The following TSC1 variants were observed in gnomAD, a reference collection of about 807,000 sequenced individuals.
The protein encoded by TSC1 is TSC complex subunit 1.
In TSC1, 20 loss-of-function variants were observed where a neutral mutation model predicts 124.3. That is an observed-to-expected ratio of 0.16 (90% confidence interval 0.11 to 0.23). The LOEUF is 0.23. Among genes scored for constraint, TSC1 ranks in the 10% least tolerant of loss-of-function variants. The pLI, the probability that TSC1 is intolerant of heterozygous loss-of-function variation, is 1.00. For synonymous variants in TSC1, 493 were observed against 539.1 expected, an observed-to-expected ratio of 0.91 and a Z score of 1.19; for missense variants, 1,124 against 1,448.5, an observed-to-expected ratio of 0.78 and a Z score of 3.64.
intron 8 of TSC1, among the ~76,000 whole-genome samples, chr9:132,913,884 TTG>T (rs1846112339): frequency 2.9e-5 from 3 of 102,096 alleles, no homozygotes; most frequent in African/African-American, 6.3e-5. Context: ...GTTTTTTGTT[TTG>T]TTTTGTTTTT....
chr9:132,921,717 TC>T lies in TSC1; in HGVS notation c.663+101del. 6.7e-7 allele frequency: 1 copy of T among 1,503,382 alleles called. No homozygotes were observed. Among genetic ancestry groups the T allele is most frequent in the Non-Finnish European group, 9.2e-7 (1 of 1,084,048 alleles). The allele number at this position is 1,503,382 out of a possible 1,614,324, so 93.1% of individuals were successfully genotyped here. ...GAGTGGCGAGGAAGAAAACTGAATT[TC>T]TTTTCAAAATTTCCCTGTCTGCCGT... On this transcript the variant is annotated intron_variant, in intron 7 of 22. Transcript: ENST00000298552. This position sits in a 1 kb window ranked among gnomAD's most constrained non-coding sequence, Gnocchi z 4.3.
At chr9:132,918,150 T>C (rs367848938) in intron 8 of TSC1, among the ~76,000 whole-genome samples, 2 of 152,186 alleles carry the variant, frequency 1.3e-5, no homozygotes, top group East Asian at 3.8e-4. Flanking sequence ...TTCTTTGTTT[T>C]TAAATATAAA....
chr9:132,931,577 T>C (rs979373442), intron 2 of TSC1: 8 of 152,224 alleles, frequency 5.3e-5, no homozygotes, highest in Non-Finnish European at 7.3e-5. Context: ...AGGAAAAATA[T>C]AAACATTGGG....
At chr9:132,904,488 G>C in intron 15 of TSC1, 34 bp from the exon 16 acceptor site, 1 of 1,610,336 alleles carries the variant, frequency 6.2e-7, no homozygotes, top group East Asian at 2.2e-5. Context: ...CAAAGTTACC[G>C]ATCTTACCAA....
chr9:132,895,515 G>A lies in TSC1; in HGVS notation c.*720C>T, dbSNP rs1844985645. 2 of 233,820 alleles carry A rather than the reference G, an allele frequency of 8.6e-6. No homozygotes were observed. Among genetic ancestry groups the A allele is most frequent in the Admixed American group, 5.6e-5 (1 of 17,798 alleles). 14.5% of individuals were successfully genotyped at this position (233,820 alleles called of 1,614,324 possible). A position where few individuals can be genotyped will look rare whatever the true frequency, so the allele number is the denominator to read the frequency against. On this transcript the variant is annotated 3_prime_UTR_variant, in exon 23 of 23. Transcript: ENST00000298552. The stretch of plus-strand genomic sequence containing the variant: ...GCAAACACCAAATAAATAAGAGGTA[G>A]TGGGGGAAGAAGAGACAAGAGCTTT...
intron 16 of TSC1, among the ~76,000 whole-genome samples, chr9:132,904,038 ACT>A (rs1845522910): frequency 6.6e-6 from 1 of 151,390 alleles, no homozygotes; most frequent in Non-Finnish European, 1.5e-5. Context: ...ATGTGGGATG[ACT>A]CTTTGAGAGC....
At position 132,893,363 on chromosome 9, in the gene TSC1, C is replaced by T. The variant is rs2106345; in HGVS notation, c.*2872G>A. 1,169 of 233,222 alleles carry T rather than the reference C, an allele frequency of 5.0e-3. 4 individuals carry two copies. The highest frequency in any genetic ancestry group is 7.6e-3 in the Admixed American group (136 of 17,800). The allele number at this position is 233,222 out of a possible 1,614,324, so 14.4% of individuals were successfully genotyped here. A position where few individuals can be genotyped will look rare whatever the true frequency, so the allele number is the denominator to read the frequency against. ...TTTGTTTTTTTTCTATTCATGACCA[C>T]GTGTTTCTTCCAATCCCATAATAAC... is the stretch of plus-strand genomic sequence containing the variant. On this transcript the variant is annotated 3_prime_UTR_variant, in exon 23 of 23. Coordinates refer to ENST00000298552, the MANE Select transcript of TSC1 (RefSeq NM_000368.5).
intron 1 of TSC1, among the ~76,000 whole-genome samples, 177 bp downstream of exon 1, chr9:132,944,366 A>T (rs1031657464): frequency 6.6e-6 from 1 of 152,036 alleles, no homozygotes; most frequent in African/African-American, 2.4e-5. Flanking sequence ...GGCCAGCCGG[A>T]GATAGCGTGT....
In TSC1 at chr9:132,938,534, G is replaced by A. The variant is rs146492464; in HGVS notation, c.-143-3439C>T. On this transcript the variant is annotated intron_variant, in intron 1 of 22. Coordinates refer to ENST00000298552, the MANE Select transcript of TSC1 (RefSeq NM_000368.5). ...TTAAGTATTTTGAGATGAAACAGAAGGCACATAGATCAATCTGTTTTCACT... is the reference window on the plus strand; with the variant it reads ...TTAAGTATTTTGAGATGAAACAGAAAGCACATAGATCAATCTGTTTTCACT... Among the ~76,000 whole-genome samples, 391 of 152,200 alleles carry A rather than the reference G, an allele frequency of 2.6e-3. 2 individuals are homozygous for A. Among genetic ancestry groups the A allele is most frequent in the African/African-American group, 8.8e-3 (367 of 41,482 alleles).
At position 132,921,459 on chromosome 9, in the gene TSC1, T is replaced by C; in HGVS notation, c.664-23A>G. 1 of 1,613,278 alleles carries C rather than the reference T, an allele frequency of 6.2e-7. No homozygotes were observed. The highest frequency in any genetic ancestry group is 8.5e-7 in the Non-Finnish European group (1 of 1,179,282). The stretch of plus-strand genomic sequence containing the variant: ...TGGCTAGAAGAGTTGGGTTGACAAA[T>C]TATAAAGGGCTGAATGTTTGTGGAA... On this transcript the variant is annotated intron_variant, in intron 7 of 22. Coordinates refer to ENST00000298552, the MANE Select transcript of TSC1 (RefSeq NM_000368.5). The surrounding 1 kb of genome is among the most constrained non-coding windows in gnomAD (Gnocchi z 4.3).
intron 19 of TSC1, among the ~76,000 whole-genome samples, chr9:132,901,316 G>A (rs1241778720): frequency 6.6e-6 from 1 of 152,224 alleles, no homozygotes; most frequent in African/African-American, 2.4e-5. Flanking sequence ...GTTTAGGATG[G>A]ATACTTCTTT....
At chr9:132,918,419 C>A (rs1846373969) in intron 8 of TSC1, among the ~76,000 whole-genome samples, 1 of 152,156 alleles carries the variant, frequency 6.6e-6, no homozygotes, top group African/African-American at 2.4e-5. Flanking sequence ...AGAGTGAAAA[C>A]CACTGGAGGA....
chr9:132,900,380 G>A (rs963815182), intron 20 of TSC1: 3 of 380,924 alleles, frequency 7.9e-6, no homozygotes, highest in African/African-American at 2.1e-5. Flanking sequence ...GTCCTGAGAG[G>A]TATGTTAAAC....
At position 132,896,185 on chromosome 9, in the gene TSC1, C is replaced by T. The variant is rs2131584351; in HGVS notation, c.*50G>A. ...AGCTTTGAAACGTGCATTCACACCT[C>T]CTGTTCTGTGCCAACAATATGCAAG... On this transcript the variant is annotated 3_prime_UTR_variant, in exon 23 of 23. Coordinates refer to ENST00000298552, the MANE Select transcript of TSC1 (RefSeq NM_000368.5). This position sits in a 1 kb window ranked among gnomAD's most constrained non-coding sequence, Gnocchi z 4.5. 1.2e-6 allele frequency: 2 copies of T among 1,613,160 alleles called. No individual in the cohort carries two copies. The highest frequency in any genetic ancestry group is 2.2e-5 in the East Asian group (1 of 44,886).
In TSC1 at chr9:132,906,232, GTCAC is replaced by G; in HGVS notation, c.1439-97_1439-94del. Reference sequence around the variant, plus strand: ...GGGTGGCATGCTGCCACATGCCAGTGTCACTCAGAGAGAGGAGAAAAAGTGGCAT... The same window carrying G: ...GGGTGGCATGCTGCCACATGCCAGTGTCAGAGAGAGGAGAAAAAGTGGCAT... On this transcript the variant is annotated intron_variant, in intron 14 of 22. Coordinates refer to ENST00000298552, the MANE Select transcript of TSC1 (RefSeq NM_000368.5). This position sits in a 1 kb window ranked among gnomAD's most constrained non-coding sequence, Gnocchi z 4.1. The G allele has an allele frequency of 7.2e-7, 1 of 1,386,680 alleles. No homozygotes were observed. The highest frequency in any genetic ancestry group is 1.0e-6 in the Non-Finnish European group (1 of 1,000,388). The allele number at this position is 1,386,680 out of a possible 1,614,324, so 85.9% of individuals were successfully genotyped here.
intron 8 of TSC1, among the ~76,000 whole-genome samples, chr9:132,919,947 A>G (rs992370631): frequency 4.6e-5 from 7 of 152,250 alleles, no homozygotes; most frequent in Admixed American, 2.6e-4. Flanking sequence ...TCTGATCAGC[A>G]GAGGACATTC....
Position 132,897,251 on chromosome 9 carries a change from C to G in TSC1, c.2908G>C (p.Glu970Gln), listed in dbSNP as rs1845123378. ...AGTTTTTTCAGGAGGCCATCTTTCT[C>G]CAACCTGCCATATAAATCTAAGATC... ...LEILDLYGRL[E>Q]KDGLLKKLEE... The change falls in exon 22 of 23, where the codon GAG becomes CAG. Residue 970 changes from glutamate to glutamine, a missense_variant. Physicochemically the swap from Glu to Gln is conservative, Grantham distance 29. Transcript: ENST00000298552. The G allele has an allele frequency of 1.2e-6, 2 of 1,614,236 alleles. No individual in the cohort carries two copies. The highest frequency in any genetic ancestry group is 2.2e-5 in the South Asian group (2 of 91,088).
intron 1 of TSC1, among the ~76,000 whole-genome samples, chr9:132,935,321 ATC>A (rs1847401530): frequency 6.6e-6 from 1 of 152,180 alleles, no homozygotes; most frequent in South Asian, 2.1e-4. Flanking sequence ...TGAACTTGTA[ATC>A]TCTGTCTTTT....
chr9:132,911,418 AGAG>A, intron 10 of TSC1, 32 bp downstream of exon 10: 1 of 1,493,646 alleles, frequency 6.7e-7, no homozygotes, highest in Non-Finnish European at 9.3e-7. Context: ...ACCAGAAAGC[AGAG>A]GAGAGAGCAG....
Sources: gnomAD v4.1 joint callset for allele counts (sites outside exome capture counted in the v4.1 genomes callset) on GRCh38, gnomAD v4.1.1 for gene constraint, Gnocchi (gnomAD v3.1) non-coding constraint, MANE v1.5 for transcripts, NCBI Gene and HGNC (gene_info 2026-07-23, HGNC 2026-07-21) for gene names.